NALCN: variants seen among roughly 807,000 people sequenced by gnomAD.
NALCN encodes sodium leak channel NALCN.
NALCN carries 111 observed loss-of-function variants against 225.3 expected under a neutral mutation model. The observed-to-expected ratio is 0.49, with a 90% CI of 0.42 to 0.58. The LOEUF (loss-of-function observed/expected upper bound fraction) is 0.58. NALCN is among the 20% of genes least tolerant of loss of function. The probability of loss-of-function intolerance (pLI) is 0.00; values close to 1 mark genes in which losing one functional copy is unlikely to be tolerated. For missense variants in NALCN, 1,378 were observed against 2,202.4 expected (o/e 0.63, Z 7.49); for synonymous variants, 764 against 769.0 (o/e 0.99, Z 0.11).
intron 33 of NALCN, 101 bp downstream of exon 33, chr13:101,082,708 A>T (rs1566793776): frequency 3.3e-6 from 4 of 1,228,526 alleles, no homozygotes; most frequent in Non-Finnish European, 4.8e-6. Flanking sequence ...TTCAAAGGCA[A>T]TGGAACACAG....
rs2139395626 is a variant in NALCN, at chr13:101,059,834, T to A, written c.4889A>T (p.Asn1630Ile). ...TGCCCATACCTCAGGTTGCATGCTG[T>A]TGTCCTGACTGTTGGCATTCGTGTC... The part of the protein sequence containing the change: ...SEDTNANSQD[N>I]SMQPETSSQQ... The change falls in exon 42 of 44, where the codon AAC becomes ATC. Residue 1630 changes from asparagine to isoleucine, a missense_variant. Coordinates refer to ENST00000251127, the MANE Select transcript of NALCN (RefSeq NM_052867.4). 1 of 1,614,106 alleles carries A rather than the reference T, an allele frequency of 6.2e-7. No homozygotes were observed. The highest frequency in any genetic ancestry group is 1.7e-5 in the Admixed American group (1 of 60,024).
chr13:101,151,145 G>A (rs1444718556), intron 15 of NALCN, among the ~76,000 whole-genome samples: 2 of 152,302 alleles, frequency 1.3e-5, no homozygotes, highest in Admixed American at 6.5e-5. Context: ...CTCAGCATCT[G>A]CCTGGCTGAG....
intron 37 of NALCN, among the ~76,000 whole-genome samples, chr13:101,070,689 GGCTTAAATATCCA>G (rs1277772301): frequency 1.3e-5 from 2 of 152,032 alleles, no homozygotes; most frequent in African/African-American, 4.8e-5. Context: ...CTCAAGAGTG[GGCTTAAATATCCA>G]GCAAACCATG....
intron 17 of NALCN, among the ~76,000 whole-genome samples, chr13:101,134,520 T>A (rs1245994455): frequency 6.6e-6 from 1 of 152,260 alleles, no homozygotes; most frequent in Non-Finnish European, 1.5e-5. Flanking sequence ...GAAAATTGAA[T>A]TAATTTCATA....
rs372587502 is a variant in NALCN at position 101,134,038 on chromosome 13, C to T, written c.2118+9042G>A. On this transcript the variant is annotated intron_variant, in intron 17 of 43. Transcript: ENST00000251127. The stretch of plus-strand genomic sequence containing the variant: ...AGAAAAAATAAGCCGGGCATGGTGG[C>T]GGGCGCCTGTAGTCCCAGCTGCTCG... Among the ~76,000 whole-genome samples the T allele has an allele frequency of 1.3e-3, 205 of 152,146 alleles. 1 individual carries two copies. The highest frequency in any genetic ancestry group is 4.6e-3 in the African/African-American group (191 of 41,508).
chr13:101,385,326 G>A (rs1050015966), intron 3 of NALCN, among the ~76,000 whole-genome samples: 9 of 151,836 alleles, frequency 5.9e-5, no homozygotes, highest in African/African-American at 1.2e-4. Flanking sequence ...ATTGTTTCAC[G>A]TTCCTCTTTC....
intron 27 of NALCN, among the ~76,000 whole-genome samples, 159 bp from the exon 28 acceptor site, chr13:101,095,839 T>C (rs1057407327): frequency 3.3e-5 from 5 of 152,134 alleles, no homozygotes; most frequent in Non-Finnish European, 5.9e-5. Flanking sequence ...AACAAAGACT[T>C]TGGAGACAGG....
At position 101,292,662 on chromosome 13, in the gene NALCN, G is replaced by T. The variant is rs1031110156; in HGVS notation, c.800-296C>A. ...AAAAGGAAATAAACAGTCAAACCAA[G>T]TATATATATGTATAATTAAAAAAAG... On this transcript the variant is annotated intron_variant, in intron 7 of 43. Transcript: ENST00000251127. The surrounding 1 kb of genome is among the most constrained non-coding windows in gnomAD (Gnocchi z 4.3). Among the ~76,000 whole-genome samples the T allele has an allele frequency of 6.6e-6, 1 of 152,102 alleles. No individual in the cohort carries two copies.
At chr13:101,256,289 C>T (rs768840935) in intron 11 of NALCN, among the ~76,000 whole-genome samples, 2 of 152,138 alleles carry the variant, frequency 1.3e-5, no homozygotes, top group African/African-American at 4.8e-5. Flanking sequence ...GACCATTGAT[C>T]CTTCACCTTC....
At chr13:101,178,889 C>T (rs2039074207) in intron 14 of NALCN, among the ~76,000 whole-genome samples, 2 of 152,300 alleles carry the variant, frequency 1.3e-5, no homozygotes, top group East Asian at 3.9e-4. Flanking sequence ...GCATTGCAGC[C>T]TGCGTTAGAG....
intron 15 of NALCN, among the ~76,000 whole-genome samples, chr13:101,160,201 G>T (rs549354254): frequency 4.6e-5 from 7 of 152,106 alleles, no homozygotes; most frequent in Admixed American, 4.6e-4. Context: ...TGATCTGCCC[G>T]CCTTGGCCTC....
At chr13:101,363,503 A>T (rs2046304375) in intron 6 of NALCN, among the ~76,000 whole-genome samples, 1 of 152,270 alleles carries the variant, frequency 6.6e-6, no homozygotes, top group Admixed American at 6.5e-5. Flanking sequence ...CTCTTCAACA[A>T]ATGGTGCTGG....
At chr13:101,399,746 G>C (rs1260067457) in intron 1 of NALCN, among the ~76,000 whole-genome samples, 1 of 152,166 alleles carries the variant, frequency 6.6e-6, no homozygotes, top group Admixed American at 6.5e-5. Context: ...AATTCTTCCA[G>C]CTACTCTGAA....
intron 11 of NALCN, among the ~76,000 whole-genome samples, chr13:101,255,127 T>C (rs2042189053): frequency 6.6e-6 from 1 of 152,092 alleles, no homozygotes; most frequent in Non-Finnish European, 1.5e-5. Flanking sequence ...CAATCCTGTC[T>C]GTCTGTTGTT....
At chr13:101,310,823 T>C (rs1033207446) in intron 7 of NALCN, among the ~76,000 whole-genome samples, 2 of 152,060 alleles carry the variant, frequency 1.3e-5, no homozygotes, top group Non-Finnish European at 2.9e-5. Context: ...AGAAAAATAG[T>C]AAAGAAACAC....
chr13:101,308,656 C>T (rs897108352), intron 7 of NALCN, among the ~76,000 whole-genome samples: 7 of 152,194 alleles, frequency 4.6e-5, no homozygotes, highest in African/African-American at 1.7e-4. Flanking sequence ...GCCCAGTTCT[C>T]AGAAACGGCT....
At chr13:101,160,099 T>G (rs1022114157) in intron 15 of NALCN, among the ~76,000 whole-genome samples, 2 of 151,976 alleles carry the variant, frequency 1.3e-5, no homozygotes, top group Non-Finnish European at 2.9e-5. Context: ...GGACTACAGG[T>G]ACACACCACC....
chr13:101,154,705 C>T (rs531176618), intron 15 of NALCN, among the ~76,000 whole-genome samples: 6 of 152,264 alleles, frequency 3.9e-5, no homozygotes, highest in South Asian at 4.2e-4. Context: ...GCAACACTAA[C>T]GGAGTCCCAT....
At chr13:101,328,969 G>C (rs1436455566) in intron 7 of NALCN, among the ~76,000 whole-genome samples, 2 of 152,106 alleles carry the variant, frequency 1.3e-5, no homozygotes, top group East Asian at 3.9e-4. Flanking sequence ...TCCCCTAAGA[G>C]CTGCTTCTGT....
Sources: allele counts gnomAD v4.1 joint callset (sites outside exome capture counted in the v4.1 genomes callset), GRCh38; gene constraint gnomAD v4.1.1; non-coding constraint Gnocchi (gnomAD v3.1); transcripts MANE v1.5; gene names NCBI Gene and HGNC (gene_info 2026-07-23, HGNC 2026-07-21).